The following SLC47A2 variants were observed in gnomAD, a reference collection of about 807,000 sequenced individuals.
SLC47A2 encodes the protein multidrug and toxin extrusion protein 2.
SLC47A2 carries 52 observed loss-of-function variants against 67.7 expected under a neutral mutation model. The ratio of observed to expected loss-of-function variants is 0.77; its 90% CI spans 0.61 to 0.97. The LOEUF is 0.97. Ranked by LOEUF, SLC47A2 falls within the 50% of genes least tolerant of loss-of-function variation. The pLI, the probability that SLC47A2 is intolerant of heterozygous loss-of-function variation, is 0.00. For missense variants in SLC47A2, 676 were observed against 712.3 expected (o/e 0.95, Z 0.58); for synonymous variants, 278 against 292.9 (o/e 0.95, Z 0.52).
intron 13 of SLC47A2, 124 bp downstream of exon 13, chr17:19,702,481 T>C: frequency 8.0e-6 from 12 of 1,506,498 alleles, no homozygotes; most frequent in Non-Finnish European, 1.1e-5. Context: ...GGGCACTTAC[T>C]ATACAGTTAG....
At chr17:19,699,752 C>T (rs1305095475) in intron 13 of SLC47A2, among the ~76,000 whole-genome samples, 5 of 152,120 alleles carry the variant, frequency 3.3e-5, no homozygotes, top group Admixed American at 3.3e-4. Flanking sequence ...ATAAAGTTAT[C>T]ATTTGACTTA....
rs754804417 is a variant in SLC47A2, at chr17:19,678,719, C to T, written c.1668G>A (p.Gly556=). ...LGAASATLMV[G]LTVRILATRH ...TGGTGGCTAGGATCCTGACCGTGAG[C>T]CCCACCATCAGTGTGGCTGACGCCG... Residue 556 remains glycine (G), a synonymous_variant, in exon 17 of 17, where the codon GGG becomes GGA. Coordinates refer to ENST00000433844, the MANE Select transcript of SLC47A2 (RefSeq NM_001099646.3). 6.2e-7 allele frequency: 1 copy of T among 1,613,230 alleles called. No homozygotes were observed. Among genetic ancestry groups the T allele is most frequent in the Admixed American group, 1.7e-5 (1 of 60,004 alleles).
Position 19,678,744 on chromosome 17 carries a change from G to T in SLC47A2, c.1643C>A (p.Ala548Glu), listed in dbSNP as rs374301491. ...CCCCACCATCAGTGTGGCTGACGCC[G>T]CCCCCAGAGCAGCCCCACGGCGGAT... Reference protein sequence around the residue: ...LVIRRGAALGAASATLMVGLT... With the variant: ...LVIRRGAALGEASATLMVGLT... The change falls in exon 17 of 17, where the codon GCG becomes GAG. Residue 548 changes from alanine to glutamate, a missense_variant. Physicochemically the swap from Ala to Glu is moderately radical, Grantham distance 107 (BLOSUM62 -1). Transcript: ENST00000433844. 2 of 1,613,740 alleles carry T rather than the reference G, an allele frequency of 1.2e-6. No homozygotes were observed. The highest frequency in any genetic ancestry group is 2.7e-5 in the African/African-American group (2 of 74,906).
chr17:19,695,038 A>C (rs926874633), intron 13 of SLC47A2, among the ~76,000 whole-genome samples: 6 of 152,074 alleles, frequency 3.9e-5, no homozygotes, highest in Non-Finnish European at 8.8e-5. Context: ...TATATATAAA[A>C]TAGCAAAAGC....
chr17:19,716,117 T>G, intron 1 of SLC47A2: 2 of 330,404 alleles, frequency 6.1e-6, no homozygotes, highest in Non-Finnish European at 1.1e-5. Flanking sequence ...GCAGGCTTCA[T>G]GCATCTCTGG....
intron 13 of SLC47A2, among the ~76,000 whole-genome samples, chr17:19,690,862 G>A (rs1031388148): frequency 2.0e-5 from 3 of 152,048 alleles, no homozygotes; most frequent in African/African-American, 7.2e-5. Context: ...CTCACGGCCT[G>A]TAATCCCAGC....
chr17:19,709,299 G>A (rs1303566594), intron 5 of SLC47A2, among the ~76,000 whole-genome samples: 2 of 152,228 alleles, frequency 1.3e-5, no homozygotes, highest in Admixed American at 6.5e-5. Context: ...GACCATAGGG[G>A]AGTGTACGTG....
intron 1 of SLC47A2, chr17:19,715,706 G>GTTTTTTTTTTTTTTT (rs68064267): frequency 1.8e-4 from 21 of 118,666 alleles, no homozygotes; most frequent in African/African-American, 2.4e-4. Context: ...TGTTTTTTTT[G>GTTTTTTTTTTTTTTT]TTTTTTTTTT....
At chr17:19,680,089 C>T in intron 15 of SLC47A2, 50 bp from the exon 16 acceptor site, 1 of 1,563,260 alleles carries the variant, frequency 6.4e-7, no homozygotes, top group Non-Finnish European at 8.8e-7. Flanking sequence ...CAACAGTTCA[C>T]CCCTTCACTG....
rs2085238011 is a variant in SLC47A2, at chr17:19,678,549, G to T, written c.*137C>A. 6 of 838,178 alleles carry T rather than the reference G, an allele frequency of 7.2e-6. No homozygotes were observed. Among genetic ancestry groups the T allele is most frequent in the Non-Finnish European group, 1.1e-5 (6 of 527,942 alleles). The allele number at this position is 838,178 out of a possible 1,614,324, so 51.9% of individuals were successfully genotyped here. Reference sequence around the variant, plus strand: ...CTCTGAGTGTCACCACAAGGAATCAGCCAAAGTTCTTTTTTTGAGGAGTGG... The same window carrying T: ...CTCTGAGTGTCACCACAAGGAATCATCCAAAGTTCTTTTTTTGAGGAGTGG... On this transcript the variant is annotated 3_prime_UTR_variant, in exon 17 of 17. Coordinates refer to ENST00000433844, the MANE Select transcript of SLC47A2 (RefSeq NM_001099646.3).
intron 13 of SLC47A2, among the ~76,000 whole-genome samples, chr17:19,684,311 T>C (rs1264406969): frequency 1.3e-5 from 2 of 152,142 alleles, no homozygotes; most frequent in Admixed American, 6.5e-5. Flanking sequence ...TATTTGGAAA[T>C]TAAATGCACT....
chr17:19,693,611 A>AAATAATAAAAAT (rs2085591657), intron 13 of SLC47A2, among the ~76,000 whole-genome samples: 2 of 146,312 alleles, frequency 1.4e-5, no homozygotes, highest in Non-Finnish European at 3.0e-5. Flanking sequence ...TCTCTACTAA[A>AAATAATAAAAAT]AATAATAATA....
At position 19,707,871 on chromosome 17, in the gene SLC47A2, G is replaced by T; in HGVS notation, c.630-28C>A. 1.9e-6 allele frequency: 3 copies of T among 1,552,348 alleles called. No individual in the cohort carries two copies. In the South Asian group the frequency reaches 3.6e-5, roughly 18 times the overall value. On this transcript the variant is annotated intron_variant, in intron 7 of 16. Coordinates refer to ENST00000433844, the MANE Select transcript of SLC47A2 (RefSeq NM_001099646.3). Reference sequence around the variant, plus strand: ...GGGTAAGGAGGGAGAACAGGGCTGCGACTGATGCCAACTCTCTGCCACCGC... The same window carrying T: ...GGGTAAGGAGGGAGAACAGGGCTGCTACTGATGCCAACTCTCTGCCACCGC...
At chr17:19,714,576 G>T in intron 3 of SLC47A2, 145 bp downstream of exon 3, 2 of 865,412 alleles carry the variant, frequency 2.3e-6, no homozygotes, top group Non-Finnish European at 3.8e-6. Context: ...TGTGGTCCTT[G>T]GAGGTAGGGC....
At chr17:19,703,422 A>C (rs1201935169) in intron 11 of SLC47A2, among the ~76,000 whole-genome samples, 2 of 152,250 alleles carry the variant, frequency 1.3e-5, no homozygotes, top group Non-Finnish European at 2.9e-5. Context: ...GCGCAGCAGC[A>C]TTAGCATCAC....
intron 10 of SLC47A2, chr17:19,704,782 G>T: frequency 8.7e-7 from 1 of 1,144,024 alleles, no homozygotes; most frequent in Non-Finnish European, 1.2e-6. Context: ...CTGGCCGACT[G>T]CAGTGTGCAG....
intron 13 of SLC47A2, among the ~76,000 whole-genome samples, chr17:19,695,684 G>A (rs566034125): frequency 4.5e-4 from 68 of 151,386 alleles, no homozygotes; most frequent in African/African-American, 1.6e-3. Flanking sequence ...AATAATAAAT[G>A]TTATGGGTTG....
At chr17:19,700,973 G>C (rs1034987733) in intron 13 of SLC47A2, among the ~76,000 whole-genome samples, 2 of 151,278 alleles carry the variant, frequency 1.3e-5, no homozygotes, top group Non-Finnish European at 2.9e-5. Flanking sequence ...TTTGAGACTA[G>C]CCTGGCCAAC....
At chr17:19,700,400 G>A (rs944703911) in intron 13 of SLC47A2, among the ~76,000 whole-genome samples, 4 of 152,270 alleles carry the variant, frequency 2.6e-5, no homozygotes, top group South Asian at 2.1e-4. Context: ...AACCTGACTC[G>A]GAGTTTCTTG....
Sources: gnomAD v4.1 joint callset for allele counts (sites outside exome capture counted in the v4.1 genomes callset) on GRCh38, gnomAD v4.1.1 for gene constraint, MANE v1.5 for transcripts, NCBI Gene and HGNC (gene_info 2026-07-23, HGNC 2026-07-21) for gene names.